Variants in ADAMTS5 observed in about 807,000 individuals in gnomAD.
ADAMTS5 encodes the protein ADAM metallopeptidase with thrombospondin type 1 motif 5, also known as A disintegrin and metalloproteinase with thrombospondin motifs 5.
Under a neutral mutation model 81.4 loss-of-function variants are expected in ADAMTS5, and 54 were observed. The ratio of observed to expected loss-of-function variants is 0.66; its 90% CI spans 0.53 to 0.83. The LOEUF (loss-of-function observed/expected upper bound fraction) is 0.83, where lower values mean the gene tolerates loss of function less well. Among genes scored for constraint, ADAMTS5 ranks in the 40% least tolerant of loss-of-function variants. The pLI, the probability that ADAMTS5 is intolerant of heterozygous loss-of-function variation, is 0.00. For missense variants in ADAMTS5, 1,194 were observed against 1,229.9 expected (o/e 0.97, Z 0.44); for synonymous variants, 532 against 508.8 (o/e 1.05, Z -0.61).
At position 26,932,792 on chromosome 21, in the gene ADAMTS5, T is replaced by C. The variant is rs1313016900; in HGVS notation, c.1873+69A>G. 10 of 1,495,452 alleles carry C rather than the reference T, an allele frequency of 6.7e-6. No individual in the cohort carries two copies. In the Admixed American group the frequency reaches 2.2e-4, roughly 33 times the overall value. The allele number at this position is 1,495,452 out of a possible 1,614,324, so 92.6% of individuals were successfully genotyped here. A position where few individuals can be genotyped will look rare whatever the true frequency, so the allele number is the denominator to read the frequency against. On this transcript the variant is annotated intron_variant, in intron 5 of 7. Coordinates refer to ENST00000284987, the MANE Select transcript of ADAMTS5 (RefSeq NM_007038.5). ...TTAATATTATTTCCCCAGCTTCCCT[T>C]ATTCATTATTGCTAGAATACAAATG...
chr21:26,929,930 G>C lies in ADAMTS5; in HGVS notation c.2181C>G (p.Asp727Glu). ...QYDKCGVCGG[D>E]NSSCTKIVGT... Reference sequence around the variant, plus strand: ...CAACAATCTTTGTACAGCTGGAGTTGTCTCCTCCACATACTCCGCACTTGT... The same window carrying C: ...CAACAATCTTTGTACAGCTGGAGTTCTCTCCTCCACATACTCCGCACTTGT... The change falls in exon 7 of 8, where the codon GAC becomes GAG. Residue 727 changes from aspartate to glutamate, a missense_variant. By Grantham distance (45) the Asp-to-Glu change is conservative. Coordinates refer to ENST00000284987, the MANE Select transcript of ADAMTS5 (RefSeq NM_007038.5). The C allele has an allele frequency of 6.2e-7, 1 of 1,613,966 alleles. No individual in the cohort carries two copies. The highest frequency in any genetic ancestry group is 1.3e-5 in the African/African-American group (1 of 75,014).
At position 26,924,326 on chromosome 21, in the gene ADAMTS5, A is replaced by C. The variant is rs1352485615; in HGVS notation, c.2520T>G (p.Thr840=). 1.9e-6 allele frequency: 3 copies of C among 1,614,182 alleles called. No homozygotes were observed. Among genetic ancestry groups the C allele is most frequent in the Non-Finnish European group, 2.5e-6 (3 of 1,180,022 alleles). Residue 840 remains threonine, a synonymous_variant, in exon 8 of 8, where the codon ACT becomes ACG. Coordinates refer to ENST00000284987, the MANE Select transcript of ADAMTS5 (RefSeq NM_007038.5). ...LIVQILATDP[T]KPLDVRYSFF... is the part of the protein sequence containing the mutation. ...AGCTATAACGGACATCTAATGGTTTAGTGGGGTCTGTTGCAAGAATCTGCA... is the reference window on the plus strand; with the variant it reads ...AGCTATAACGGACATCTAATGGTTTCGTGGGGTCTGTTGCAAGAATCTGCA...
At chr21:26,947,987 G>A (rs755622458) in intron 2 of ADAMTS5, among the ~76,000 whole-genome samples, 28 of 152,248 alleles carry the variant, frequency 1.8e-4, no homozygotes, top group Non-Finnish European at 3.8e-4. Context: ...CAAACAAATC[G>A]TCACCTGATA....
chr21:26,966,385 G>A lies in ADAMTS5; in HGVS notation c.7C>T (p.Leu3Phe). 6.9e-6 allele frequency: 10 copies of A among 1,455,954 alleles called. No homozygotes were observed. The highest frequency in any genetic ancestry group is 8.1e-6 in the Non-Finnish European group (9 of 1,117,450). 90.2% of individuals were successfully genotyped at this position (1,455,954 alleles called of 1,614,324 possible). The change falls in exon 1 of 8, where the codon CTC (leucine) becomes TTC (phenylalanine). Residue 3 changes from leucine to phenylalanine, a missense_variant. Physicochemically the swap from Leu to Phe is conservative, Grantham distance 22. Transcript: ENST00000284987. ML[L>F]GWASLLLCAF... ...CACAGCAGCAGGGACGCCCACCCGA[G>A]CAGCATAGTGCGCTGCCCGCGGGGA...
chr21:26,949,136 G>GATATATATATAT (rs35477486), intron 2 of ADAMTS5, among the ~76,000 whole-genome samples: 23 of 145,212 alleles, frequency 1.6e-4, no homozygotes, highest in African/African-American at 4.8e-4. Context: ...AGTAATCAGT[G>GATATATATATAT]ATATATATAT....
At position 26,934,768 on chromosome 21, in the gene ADAMTS5, T is replaced by G; in HGVS notation, c.1406-19A>C. Reference sequence around the variant, plus strand: ...CAGTTACCTACAAGAATAACTGAGATTGACCACGGCTCTGTGTTTAGGTTT... The same window carrying G: ...CAGTTACCTACAAGAATAACTGAGAGTGACCACGGCTCTGTGTTTAGGTTT... On this transcript the variant is annotated intron_variant, in intron 3 of 7. Transcript: ENST00000284987. 1 of 1,611,160 alleles carries G rather than the reference T, an allele frequency of 6.2e-7. No individual in the cohort carries two copies. Among genetic ancestry groups the G allele is most frequent in the Non-Finnish European group, 8.5e-7 (1 of 1,177,700 alleles).
Position 26,965,584 on chromosome 21 carries a change from C to T in ADAMTS5, c.808G>A (p.Glu270Lys). 1.2e-6 allele frequency: 2 copies of T among 1,606,994 alleles called. No homozygotes were observed. Among genetic ancestry groups the T allele is most frequent in the Non-Finnish European group, 1.7e-6 (2 of 1,176,478 alleles). Reference sequence around the variant, plus strand: ...GACGCGTCAGCCACCAGAAGCAGCTCCACCTGGCGGGCCCGGGAGATGGAG... The same window carrying T: ...GACGCGTCAGCCACCAGAAGCAGCTTCACCTGGCGGGCCCGGGAGATGGAG... Reference protein sequence around the residue: ...RRSISRARQVELLLVADASMA... With the variant: ...RRSISRARQVKLLLVADASMA... Residue 270 changes from glutamate (E) to lysine (K), a missense_variant, in exon 1 of 8, where the codon GAG (glutamate) becomes AAG (lysine). Physicochemically the swap from Glu to Lys is moderately conservative, Grantham distance 56 (BLOSUM62 1). Around this residue, in one of 2 missense-constraint regions of ADAMTS5, gnomAD observed 498 missense variants for 412.3 expected, o/e 1.21. Transcript: ENST00000284987.
Position 26,924,146 on chromosome 21 carries a change from C to T in ADAMTS5, c.2700G>A (p.Val900=), listed in dbSNP as rs766718690. 1.2e-6 allele frequency: 2 copies of T among 1,614,022 alleles called. No homozygotes were observed. The highest frequency in any genetic ancestry group is 2.2e-5 in the East Asian group (1 of 44,872). The change falls in exon 8 of 8, where the codon GTG becomes GTA. Residue 900 remains valine (V), a synonymous_variant. Coordinates refer to ENST00000284987, the MANE Select transcript of ADAMTS5 (RefSeq NM_007038.5). ...TCDTGWHTRT[V]QCQDGNRKLA... ...ACTTCCGGTTTCCATCCTGGCACTG[C>T]ACCGTTCTGGTGTGCCAACCTGTGT... is the stretch of plus-strand genomic sequence containing the variant.
chr21:26,966,771 G>T lies in ADAMTS5; in HGVS notation c.-380C>A, dbSNP rs1987694147. On this transcript the variant is annotated 5_prime_UTR_variant, in exon 1 of 8. Transcript: ENST00000284987. ...CGCTGTTTCAAGAAAAGTAAGGAAA[G>T]GTACCGCGCACCGGGCTGGCAACTG... 6.6e-6 allele frequency among the ~76,000 whole-genome samples: 1 copy of T among 152,082 alleles called. No homozygotes were observed.
intron 3 of ADAMTS5, among the ~76,000 whole-genome samples, chr21:26,938,538 G>C (rs552790552): frequency 6.6e-6 from 1 of 151,858 alleles, no homozygotes; most frequent in East Asian, 1.9e-4. Context: ...TTTTTGTTTT[G>C]TTTTGTTTTC....
At chr21:26,960,278 G>A (rs1987503989) in intron 1 of ADAMTS5, among the ~76,000 whole-genome samples, 1 of 152,088 alleles carries the variant, frequency 6.6e-6, no homozygotes, top group African/African-American at 2.4e-5. Context: ...TAGACCAGAA[G>A]GTTCATTTCA....
chr21:26,925,207 G>C (rs1304306404), intron 7 of ADAMTS5, among the ~76,000 whole-genome samples: 1 of 152,128 alleles, frequency 6.6e-6, no homozygotes, highest in African/African-American at 2.4e-5. Flanking sequence ...ACTAACTTGG[G>C]AACACAGAAT....
At chr21:26,962,879 G>A (rs1987555375) in intron 1 of ADAMTS5, among the ~76,000 whole-genome samples, 1 of 150,040 alleles carries the variant, frequency 6.7e-6, no homozygotes, top group African/African-American at 2.5e-5. Context: ...TTTTTTTCAT[G>A]CTCTGAAGTA....
intron 3 of ADAMTS5, chr21:26,939,560 G>C (rs182798457): frequency 6.6e-6 from 1 of 152,334 alleles, no homozygotes; most frequent in African/African-American, 2.4e-5. Flanking sequence ...TGTTCAGTAA[G>C]TGGCTGTAAA....
chr21:26,939,910 A>AG (rs1013777122), intron 3 of ADAMTS5, among the ~76,000 whole-genome samples: 7 of 152,166 alleles, frequency 4.6e-5, no homozygotes, highest in Non-Finnish European at 8.8e-5. Flanking sequence ...GGTTGGGAGG[A>AG]GGGGGGTCCC....
intron 2 of ADAMTS5, 63 bp from the exon 3 acceptor site, chr21:26,943,610 C>G: frequency 6.7e-7 from 1 of 1,489,010 alleles, no homozygotes; most frequent in East Asian, 2.4e-5. Flanking sequence ...CTTTCCATGA[C>G]AATTATGCTA....
In ADAMTS5 at chr21:26,940,765, G is replaced by A. The variant is rs577428562; in HGVS notation, c.1405+2615C>T. On this transcript the variant is annotated intron_variant, in intron 3 of 7. Coordinates refer to ENST00000284987, the MANE Select transcript of ADAMTS5 (RefSeq NM_007038.5). ...AGTCTTCTAACAAAGATGCATCTTT[G>A]TTATTCTATCATCTTGGACTGTGAC... is the stretch of plus-strand genomic sequence containing the variant. 1.9e-3 allele frequency among the ~76,000 whole-genome samples: 293 copies of A among 152,186 alleles called. 1 individual carries two copies. The highest frequency in any genetic ancestry group is 5.7e-3 in the African/African-American group (238 of 41,526).
Position 26,954,756 on chromosome 21 carries a change from G to A in ADAMTS5, c.1220C>T (p.Thr407Ile). 6.2e-7 allele frequency: 1 copy of A among 1,614,056 alleles called. No homozygotes were observed. The highest frequency in any genetic ancestry group is 8.5e-7 in the Non-Finnish European group (1 of 1,179,978). Residue 407 changes from threonine to isoleucine, a missense_variant, in exon 2 of 8, where the codon ACT becomes ATT. Around this residue, in one of 2 missense-constraint regions of ADAMTS5, gnomAD observed 696 missense variants for 817.6 expected, o/e 0.85. Coordinates refer to ENST00000284987, the MANE Select transcript of ADAMTS5 (RefSeq NM_007038.5). Reference sequence around the variant, plus strand: ...CTGCATACCGATTTCGTGAGCCACAGTGAAGGCTGCGTGGAGGCCATCGTC... The same window carrying A: ...CTGCATACCGATTTCGTGAGCCACAATGAAGGCTGCGTGGAGGCCATCGTC... ...IEDDGLHAAFTVAHEIGHLLG... is the reference protein window; with the variant it reads ...IEDDGLHAAFIVAHEIGHLLG...
chr21:26,937,229 G>C (rs1219791933), intron 3 of ADAMTS5, among the ~76,000 whole-genome samples: 2 of 152,118 alleles, frequency 1.3e-5, no homozygotes, highest in African/African-American at 4.8e-5. Flanking sequence ...CTTCCAACAA[G>C]GAGACTTCAA....
Sources: allele counts gnomAD v4.1 joint callset (sites outside exome capture counted in the v4.1 genomes callset), GRCh38; gene constraint gnomAD v4.1.1; regional missense constraint gnomAD v4.1.1; transcripts MANE v1.5; gene names NCBI Gene and HGNC (gene_info 2026-07-23, HGNC 2026-07-21).